The following IFT43 variants were observed in gnomAD, a reference collection of about 807,000 sequenced individuals.
IFT43 encodes the protein intraflagellar transport 43, also known as intraflagellar transport protein 43 homolog.
A neutral mutation model predicts 32.3 loss-of-function variants in IFT43; 33 were observed. That is an observed-to-expected ratio of 1.02 (90% confidence interval 0.77 to 1.37). The LOEUF (loss-of-function observed/expected upper bound fraction) is 1.37. IFT43 is among the 40% of genes most tolerant of loss of function. IFT43 has a pLI of 0.00. For missense variants in IFT43, 274 were observed against 265.9 expected (o/e 1.03, Z -0.21); for synonymous variants, 93 against 98.2 (o/e 0.95, Z 0.31).
At chr14:76,003,093 T>G (rs2139903143) in intron 2 of IFT43, among the ~76,000 whole-genome samples, 1 of 152,360 alleles carries the variant, frequency 6.6e-6, no homozygotes, top group East Asian at 1.9e-4. Context: ...TAATGATACT[T>G]TACAGGAAAA....
chr14:75,999,250 TATATATATATATATA>T (rs2035816270), intron 2 of IFT43, among the ~76,000 whole-genome samples: 11 of 7,980 alleles, frequency 1.4e-3, no homozygotes, highest in African/African-American at 4.7e-3. Context: ...TATATATATA[TATATATATATATATA>T]TATATATGTA....
In IFT43 at chr14:75,999,249, A is replaced by G. The variant is rs868099738; in HGVS notation, c.147+10272A>G. Among the ~76,000 whole-genome samples the G allele has an allele frequency of 3.7e-3, 51 of 13,792 alleles. 3 individuals are homozygous for G. Among genetic ancestry groups the G allele is most frequent in the East Asian group, 0.021 (14 of 660 alleles). 9.0% of individuals were successfully genotyped at this position (13,792 alleles called of 152,430 possible). A position where few individuals can be genotyped will look rare whatever the true frequency, so the allele number is the denominator to read the frequency against. On this transcript the variant is annotated intron_variant, in intron 2 of 8. Coordinates refer to ENST00000314067, the MANE Select transcript of IFT43 (RefSeq NM_001102564.3). ...ATTTTATATATATATATATATATAT[A>G]TATATATATATATATATATATATGT...
chr14:76,002,593 A>C (rs2035909749), intron 2 of IFT43, among the ~76,000 whole-genome samples: 2 of 152,224 alleles, frequency 1.3e-5, no homozygotes, highest in African/African-American at 4.8e-5. Context: ...GTTCATGTGA[A>C]CACTAACTTG....
chr14:76,036,745 AATC>A (rs979996892), intron 3 of IFT43, among the ~76,000 whole-genome samples: 2 of 151,418 alleles, frequency 1.3e-5, no homozygotes, highest in African/African-American at 4.9e-5. Context: ...ATTCTGCAAC[AATC>A]ACCACCCCCC....
intron 2 of IFT43, among the ~76,000 whole-genome samples, chr14:75,999,258 TATATATATATATA>T (rs2035823501): frequency 2.2e-4 from 3 of 13,842 alleles, no homozygotes; most frequent in African/African-American, 9.2e-4. Context: ...TATATATATA[TATATATATATATA>T]TGTATATATA....
chr14:76,068,682 T>C (rs2037268273), intron 5 of IFT43, among the ~76,000 whole-genome samples: 1 of 152,218 alleles, frequency 6.6e-6, no homozygotes, highest in East Asian at 1.9e-4. Flanking sequence ...CCCTAAGTCC[T>C]TTAGACTTCT....
At chr14:76,020,455 A>G (rs145345291) in intron 2 of IFT43, among the ~76,000 whole-genome samples, 4 of 152,110 alleles carry the variant, frequency 2.6e-5, no homozygotes, top group South Asian at 2.1e-4. Flanking sequence ...GTGTTCTTAC[A>G]TTGATATCTG....
chr14:76,057,623 C>T (rs1231310567), intron 3 of IFT43, among the ~76,000 whole-genome samples: 1 of 151,888 alleles, frequency 6.6e-6, no homozygotes, highest in Non-Finnish European at 1.5e-5. Flanking sequence ...GCAAGAATTG[C>T]TGGTTGGCTC....
rs139866136 is a variant in IFT43 at position 76,011,680 on chromosome 14, A to ATG, written c.148-10645_148-10644dup. Among the ~76,000 whole-genome samples the ATG allele has an allele frequency of 3.2e-3, 491 of 152,280 alleles. 5 individuals carry two copies. Among genetic ancestry groups the ATG allele is most frequent in the African/African-American group, 0.011 (467 of 41,562 alleles). On this transcript the variant is annotated intron_variant, in intron 2 of 8. Transcript: ENST00000314067. The stretch of plus-strand genomic sequence containing the variant: ...CGTAAAATAGACTTTGCGTTTTGAT[A>ATG]TGTCCATTTCAGCTTGAGAGAACTA...
At chr14:75,987,473 G>A (rs1415861703) in intron 1 of IFT43, among the ~76,000 whole-genome samples, 1 of 152,144 alleles carries the variant, frequency 6.6e-6, no homozygotes, top group Non-Finnish European at 1.5e-5. Flanking sequence ...AGAGTGGAAA[G>A]CACCCAGGAA....
chr14:76,020,985 A>C (rs1175551150), intron 2 of IFT43, among the ~76,000 whole-genome samples: 2 of 152,178 alleles, frequency 1.3e-5, no homozygotes, highest in African/African-American at 4.8e-5. Context: ...CACTGGTGGC[A>C]GGCAGGGTAG....
chr14:76,027,757 C>A (rs1363416435), intron 3 of IFT43, among the ~76,000 whole-genome samples: 1 of 150,762 alleles, frequency 6.6e-6, no homozygotes, highest in Admixed American at 6.6e-5. Flanking sequence ...ATCACAGTAT[C>A]ACTCAGTCAC....
intron 2 of IFT43, among the ~76,000 whole-genome samples, chr14:76,003,713 G>T (rs942299583): frequency 6.6e-6 from 1 of 152,034 alleles, no homozygotes; most frequent in East Asian, 1.9e-4. Context: ...GTCCTTTGTG[G>T]TATTAATAGC....
At chr14:76,051,461 ACAATGGCAGATTTCTCCTTTCCT>A (rs2036912481) in intron 3 of IFT43, among the ~76,000 whole-genome samples, 3 of 152,196 alleles carry the variant, frequency 2.0e-5, no homozygotes, top group Middle Eastern at 3.4e-3. Flanking sequence ...GGCCAAGATG[ACAATGGCAGATTTCTCCTTTCCT>A]CACATTTGGG....
chr14:76,015,420 C>G (rs1446754530), intron 2 of IFT43, among the ~76,000 whole-genome samples: 1 of 152,172 alleles, frequency 6.6e-6, no homozygotes, highest in Non-Finnish European at 1.5e-5. Flanking sequence ...ACCATAGCTC[C>G]TGACTCATGT....
At chr14:76,006,688 A>T (rs2035986281) in intron 2 of IFT43, among the ~76,000 whole-genome samples, 3 of 152,146 alleles carry the variant, frequency 2.0e-5, no homozygotes, top group Admixed American at 2.0e-4. Flanking sequence ...TAACCATTTA[A>T]AAAATGGTTA....
At chr14:76,052,958 G>T (rs541862652) in intron 3 of IFT43, among the ~76,000 whole-genome samples, 1 of 152,104 alleles carries the variant, frequency 6.6e-6, no homozygotes, top group Non-Finnish European at 1.5e-5. Context: ...TGAAATGCCC[G>T]CATGTCTCCA....
chr14:76,055,609 G>A (rs1369440560), intron 3 of IFT43, among the ~76,000 whole-genome samples: 2 of 152,164 alleles, frequency 1.3e-5, no homozygotes, highest in African/African-American at 2.4e-5. Context: ...TAGATTCTGT[G>A]TCTTTTGCTG....
chr14:76,037,250 C>T (rs1290007088), intron 3 of IFT43, among the ~76,000 whole-genome samples: 1 of 152,198 alleles, frequency 6.6e-6, no homozygotes, highest in Non-Finnish European at 1.5e-5. Context: ...CCGTGTACAT[C>T]CCACTGTATT....
Sources: gnomAD v4.1 joint callset for allele counts (sites outside exome capture counted in the v4.1 genomes callset) on GRCh38, gnomAD v4.1.1 for gene constraint, MANE v1.5 for transcripts, NCBI Gene and HGNC (gene_info 2026-07-23, HGNC 2026-07-21) for gene names.